Variants in ACAD10 observed in about 807,000 individuals in gnomAD.
ACAD10 encodes the protein ACAD-10.
In ACAD10, 112 loss-of-function variants were observed where a neutral mutation model predicts 116.8. The ratio of observed to expected loss-of-function variants is 0.96; its 90% CI spans 0.82 to 1.12. The LOEUF (loss-of-function observed/expected upper bound fraction) is 1.12, where lower values mean the gene tolerates loss of function less well. ACAD10 is among the 50% of genes most tolerant of loss of function. The pLI is 0.00. For missense variants in ACAD10, 1,259 were observed against 1,350.2 expected (o/e 0.93, Z 1.06); for synonymous variants, 486 against 510.6 (o/e 0.95, Z 0.65).
At chr12:111,712,314 G>T (rs1479053542) in intron 5 of ACAD10, among the ~76,000 whole-genome samples, 184 bp from the exon 6 acceptor site, 1 of 152,154 alleles carries the variant, frequency 6.6e-6, no homozygotes, top group East Asian at 1.9e-4. Context: ...CTAGGAAACA[G>T]ATAGGAGCCC....
rs1278521744 is a variant in ACAD10, at chr12:111,729,943, C to T, written c.1381C>T (p.His461Tyr). Residue 461 changes from histidine to tyrosine, a missense_variant, in exon 10 of 21, where the codon CAC becomes TAC. Physicochemically the swap from His to Tyr is moderately conservative, Grantham distance 83. Transcript: ENST00000313698. ...LPRQQRTTVV[H>Y]GDFRLDNLVF... ...CCGTCAGCAGAGGACCACAGTGGTG[C>T]ACGGGGACTTCAGGTAGATGTGGTG... is the stretch of plus-strand genomic sequence containing the variant. The T allele has an allele frequency of 6.2e-7, 1 of 1,613,894 alleles. No homozygotes were observed.
intron 20 of ACAD10, chr12:111,756,130 G>A: frequency 7.0e-7 from 1 of 1,423,306 alleles, no homozygotes; most frequent in East Asian, 2.6e-5. Context: ...CTGCAGAGTG[G>A]GCCTGGGGAG....
Position 111,742,987 on chromosome 12 carries a change from G to A in ACAD10, c.1715-1656G>A, listed in dbSNP as rs574672520. On this transcript the variant is annotated intron_variant, in intron 12 of 20. Coordinates refer to ENST00000313698, the MANE Select transcript of ACAD10 (RefSeq NM_025247.6). ...CTCCCAAAGTGCTGGGGTTACAGGC[G>A]TGAGCCAAAGCACCCAGCCTAAAAT... Among the ~76,000 whole-genome samples, 8 of 152,200 alleles carry A rather than the reference G, an allele frequency of 5.3e-5. No homozygotes were observed. The South Asian group carries it at 8.3e-4, about 16-fold the overall frequency.
chr12:111,721,612 T>C (rs1247871020), intron 7 of ACAD10, 59 bp from the exon 8 acceptor site: 1 of 1,437,584 alleles, frequency 7.0e-7, no homozygotes, highest in Non-Finnish European at 9.6e-7. Context: ...GAAAAGTAAC[T>C]TCAAGAAAAT....
chr12:111,721,999 G>A (rs925518089), intron 8 of ACAD10: 5 of 297,582 alleles, frequency 1.7e-5, no homozygotes, highest in African/African-American at 8.7e-5. Context: ...CATGTTGCTT[G>A]TCTTTATTTA....
chr12:111,721,426 G>C (rs144043586), intron 7 of ACAD10, among the ~76,000 whole-genome samples: 1 of 152,236 alleles, frequency 6.6e-6, no homozygotes, highest in East Asian at 1.9e-4. Flanking sequence ...AAATTAGCTG[G>C]TTGTGGTGGT....
At chr12:111,727,579 T>C (rs947851224) in intron 8 of ACAD10, among the ~76,000 whole-genome samples, 1 of 152,124 alleles carries the variant, frequency 6.6e-6, no homozygotes, top group African/African-American at 2.4e-5. Context: ...TGGTTCGGTG[T>C]GACTCCAGAG....
At chr12:111,736,729 A>G in intron 11 of ACAD10, 102 bp from the exon 12 acceptor site, 1 of 1,247,898 alleles carries the variant, frequency 8.0e-7, no homozygotes, top group Non-Finnish European at 1.1e-6. Context: ...TCGTGAAACT[A>G]ATTTGCAAGG....
rs1302189557 is a variant in ACAD10, at chr12:111,746,138, T to C, written c.2116-6T>C. 2.5e-6 allele frequency: 4 copies of C among 1,606,838 alleles called. No individual in the cohort carries two copies. Among genetic ancestry groups the C allele is most frequent in the Admixed American group, 1.7e-5 (1 of 57,206 alleles). On this transcript the variant is annotated splice_polypyrimidine_tract_variant and splice_region_variant and intron_variant, in intron 13 of 20. Coordinates refer to ENST00000313698, the MANE Select transcript of ACAD10 (RefSeq NM_025247.6). ...GTGGTTTCCTGACTTATTTTCCCCA[T>C]GATAGGAGAAAGCCAAAGCTGAAGG...
Position 111,746,260 on chromosome 12 carries a change from G to T in ACAD10, c.2232G>T (p.Met744Ile). 1 of 1,613,318 alleles carries T rather than the reference G, an allele frequency of 6.2e-7. No homozygotes were observed. Among genetic ancestry groups the T allele is most frequent in the Non-Finnish European group, 8.5e-7 (1 of 1,179,746 alleles). ...AATATGCACATCTGTGTGAGCTCAT[G>T]GGCACGTCCCTGTATGCCCCCGAGG... Reference protein sequence around the residue: ...NVEYAHLCELMGTSLYAPEVC... With the variant: ...NVEYAHLCELIGTSLYAPEVC... The change falls in exon 14 of 21, where the codon ATG (methionine) becomes ATT (isoleucine). Residue 744 changes from methionine to isoleucine, a missense_variant. Transcript: ENST00000313698.
intron 19 of ACAD10, 107 bp downstream of exon 19, chr12:111,754,022 C>G: frequency 7.1e-7 from 1 of 1,417,706 alleles, no homozygotes; most frequent in Non-Finnish European, 9.3e-7. Context: ...TATTTCACCT[C>G]TACTTGGAGC....
At chr12:111,707,525 AG>A (rs1213545511) in intron 4 of ACAD10, among the ~76,000 whole-genome samples, 28 of 152,216 alleles carry the variant, frequency 1.8e-4, no homozygotes, top group Admixed American at 2.0e-4. Context: ...ATGGATCAGA[AG>A]GACCCTTCCC....
At chr12:111,747,265 G>C in intron 15 of ACAD10, 30 bp from the exon 16 acceptor site, 1 of 1,613,856 alleles carries the variant, frequency 6.2e-7, no homozygotes, top group Non-Finnish European at 8.5e-7. Flanking sequence ...GTCTGCTGGC[G>C]TCTCTGACTG....
intron 4 of ACAD10, among the ~76,000 whole-genome samples, chr12:111,707,565 G>T (rs1430496344): frequency 6.6e-6 from 1 of 152,184 alleles, no homozygotes; most frequent in Admixed American, 6.5e-5. Context: ...GATATTCTGA[G>T]TCAGTGCAAA....
At chr12:111,688,465 T>G (rs1887944435) in intron 1 of ACAD10, among the ~76,000 whole-genome samples, 1 of 152,110 alleles carries the variant, frequency 6.6e-6, no homozygotes, top group African/African-American at 2.4e-5. Context: ...TTATAACCTA[T>G]GTACACCCTC....
intron 4 of ACAD10, among the ~76,000 whole-genome samples, chr12:111,707,322 C>A (rs1434987799): frequency 1.3e-5 from 2 of 151,652 alleles, no homozygotes; most frequent in Non-Finnish European, 2.9e-5. Context: ...TCTCAAACTT[C>A]AGACCTCAAG....
chr12:111,748,528 A>G (rs1012639184), intron 17 of ACAD10, 53 bp downstream of exon 17: 23 of 1,602,518 alleles, frequency 1.4e-5, no homozygotes, highest in East Asian at 6.7e-5. Flanking sequence ...TCCCCAGGAA[A>G]CACCACTGAG....
chr12:111,737,115 G>A, intron 12 of ACAD10, 111 bp downstream of exon 12: 1 of 960,326 alleles, frequency 1.0e-6, no homozygotes, highest in South Asian at 2.3e-5. Flanking sequence ...GACCGATTTG[G>A]CCAGGATTCT....
intron 3 of ACAD10, among the ~76,000 whole-genome samples, chr12:111,703,306 T>C (rs1464947268): frequency 6.6e-6 from 1 of 152,074 alleles, no homozygotes; most frequent in African/African-American, 2.4e-5. Flanking sequence ...CTCTAATAGA[T>C]ACTAAAACAG....
Sources: gnomAD v4.1 joint callset for allele counts (sites outside exome capture counted in the v4.1 genomes callset) on GRCh38, gnomAD v4.1.1 for gene constraint, MANE v1.5 for transcripts, NCBI Gene and HGNC (gene_info 2026-07-23, HGNC 2026-07-21) for gene names.